SPTBN5: variants seen among roughly 807,000 people sequenced by gnomAD.
SPTBN5 encodes the protein spectrin beta chain, non-erythrocytic 5.
A neutral mutation model predicts 477.6 loss-of-function variants in SPTBN5; 513 were observed. The ratio of observed to expected loss-of-function variants is 1.07; its 90% CI spans 1.00 to 1.16. The LOEUF (loss-of-function observed/expected upper bound fraction) is 1.16. SPTBN5 is among the 50% of genes most tolerant of loss of function. The probability of loss-of-function intolerance (pLI) is 0.00; values close to 1 mark genes in which losing one functional copy is unlikely to be tolerated. For synonymous variants in SPTBN5, 2,169 were observed against 2,011.7 expected, an observed-to-expected ratio of 1.08 and a Z score of -2.09; for missense variants, 5,062 against 4,731.8, an observed-to-expected ratio of 1.07 and a Z score of -2.05.
chr15:41,866,335 G>T lies in SPTBN5; in HGVS notation c.6630+9C>A. 3 of 1,583,500 alleles carry T rather than the reference G, an allele frequency of 1.9e-6. No individual in the cohort carries two copies. The South Asian group carries it at 3.4e-5, about 18-fold the overall frequency. On this transcript the variant is annotated intron_variant, in intron 37 of 67. Transcript: ENST00000320955. Reference sequence around the variant, plus strand: ...GGGGCAGGCATGGGGCTGAGGGCCCGGTTGTTACCTTGGCAACAGAGGTCA... The same window carrying T: ...GGGGCAGGCATGGGGCTGAGGGCCCTGTTGTTACCTTGGCAACAGAGGTCA...
Position 41,862,788 on chromosome 15 carries a change from A to G in SPTBN5, c.7263+2T>C. ...GGCCCAGCTCTACAGCCAGCTACGC[A>G]CCTCCACCTGGGCCTGGATGGGGTG... On this transcript the variant is annotated splice_donor_variant, in intron 42 of 67. Coordinates refer to ENST00000320955, the MANE Select transcript of SPTBN5 (RefSeq NM_016642.4). LOFTEE classifies it high-confidence loss of function. 5 of 1,565,598 alleles carry G rather than the reference A, an allele frequency of 3.2e-6. No homozygotes were observed. The highest frequency in any genetic ancestry group is 4.3e-6 in the Non-Finnish European group (5 of 1,156,956).
At chr15:41,868,026 G>C (rs764349521) in intron 34 of SPTBN5, 43 bp downstream of exon 34, 1 of 1,559,864 alleles carries the variant, frequency 6.4e-7, no homozygotes, top group Non-Finnish European at 8.6e-7. Context: ...TAGAAAGGAG[G>C]AGCAGGAGGC....
chr15:41,861,942 C>G lies in SPTBN5; in HGVS notation c.7549-19G>C. ...GCTCGGCCTGGAACAGGACTGGGCTCAGATCACTGGGGGCTGGAAGCAGCC... is the reference window on the plus strand; with the variant it reads ...GCTCGGCCTGGAACAGGACTGGGCTGAGATCACTGGGGGCTGGAAGCAGCC... On this transcript the variant is annotated intron_variant, in intron 44 of 67. Coordinates refer to ENST00000320955, the MANE Select transcript of SPTBN5 (RefSeq NM_016642.4). 6.3e-7 allele frequency: 1 copy of G among 1,589,478 alleles called. No individual in the cohort carries two copies. The highest frequency in any genetic ancestry group is 1.1e-5 in the South Asian group (1 of 88,092).
chr15:41,872,067 G>A, intron 27 of SPTBN5, 150 bp from the exon 28 acceptor site: 1 of 1,140,416 alleles, frequency 8.8e-7, no homozygotes, highest in Non-Finnish European at 1.2e-6. Flanking sequence ...AGTAGACACA[G>A]CAGTGCAGGT....
intron 3 of SPTBN5, among the ~76,000 whole-genome samples, chr15:41,891,490 G>A (rs1034901814): frequency 2.6e-5 from 4 of 152,200 alleles, no homozygotes; most frequent in Admixed American, 2.0e-4. Context: ...GCTCCTGAGA[G>A]CCTATCCTCC....
Position 41,848,238 on chromosome 15 carries a change from C to CTTA in SPTBN5, c.*377_*378insTAA. On this transcript the variant is annotated 3_prime_UTR_variant, in exon 68 of 68. Coordinates refer to ENST00000320955, the MANE Select transcript of SPTBN5 (RefSeq NM_016642.4). Reference sequence around the variant, plus strand: ...ATGGCAAGGGCTGGTACAGAGCTCGCTCATCAGTGTTCTTCCTCCGAAGAG... The same window carrying CTTA: ...ATGGCAAGGGCTGGTACAGAGCTCGCTTATCATCAGTGTTCTTCCTCCGAAGAG... The CTTA allele has an allele frequency of 2.0e-6, 1 of 494,460 alleles. No individual in the cohort carries two copies. The highest frequency in any genetic ancestry group is 2.2e-5 in the South Asian group (1 of 44,990). 30.6% of individuals were successfully genotyped at this position (494,460 alleles called of 1,614,324 possible).
chr15:41,884,188 G>C (rs1421161369), intron 7 of SPTBN5, among the ~76,000 whole-genome samples: 2 of 151,948 alleles, frequency 1.3e-5, no homozygotes, highest in Admixed American at 6.6e-5. Flanking sequence ...GGGTTTCACT[G>C]TGTTAGCCAG....
rs2065944742 is a variant in SPTBN5, at chr15:41,856,988, G to C, written c.8673C>G (p.Ala2891=). Reference sequence around the variant, plus strand: ...TGAAGAACTTCAAGAGGAGGCTCCGGGCCTCCAGGGCCGTCCTGCGCTCCT... The same window carrying C: ...TGAAGAACTTCAAGAGGAGGCTCCGCGCCTCCAGGGCCGTCCTGCGCTCCT... ...PLQERRTALE[A]RSLLLKFFRD... The change falls in exon 52 of 68, where the codon GCC becomes GCG. Residue 2891 remains alanine, a synonymous_variant. Coordinates refer to ENST00000320955, the MANE Select transcript of SPTBN5 (RefSeq NM_016642.4). The C allele has an allele frequency of 1.2e-6, 2 of 1,603,252 alleles. No individual in the cohort carries two copies. The highest frequency in any genetic ancestry group is 4.5e-5 in the East Asian group (2 of 44,406).
At position 41,866,079 on chromosome 15, in the gene SPTBN5, G is replaced by A. The variant is rs375619567; in HGVS notation, c.6781C>T (p.Leu2261=). ...LEDRRNFLEF[L]QRVDLAEAWI... Reference sequence around the variant, plus strand: ...GCCTCTGCAAGGTCCACTCTCTGCAGGAACTCCAGGAAGTTCCGCCTGTCC... The same window carrying A: ...GCCTCTGCAAGGTCCACTCTCTGCAAGAACTCCAGGAAGTTCCGCCTGTCC... Residue 2261 remains leucine, a synonymous_variant, in exon 38 of 68, where the codon CTG becomes TTG. Transcript: ENST00000320955. The A allele has an allele frequency of 5.3e-4, 828 of 1,556,506 alleles. 3 individuals are homozygous for A. The highest frequency in any genetic ancestry group is 5.8e-4 in the Non-Finnish European group (664 of 1,150,548).
intron 49 of SPTBN5, among the ~76,000 whole-genome samples, chr15:41,858,081 G>A (rs2065981297): frequency 6.6e-6 from 1 of 152,202 alleles, no homozygotes; most frequent in South Asian, 2.1e-4. Flanking sequence ...TGGATCGCCT[G>A]AGCTCAGGAG....
At position 41,862,140 on chromosome 15, in the gene SPTBN5, T is replaced by C. The variant is rs1432573877; in HGVS notation, c.7538A>G (p.Gln2513Arg). ...CAGCTGCCCATTCACCTTGCACTCC[T>C]GATGCTCTTCTAACATACGCCGGGC... ...VEARRMLEEHQECKAELDSWT... is the reference protein window; with the variant it reads ...VEARRMLEEHRECKAELDSWT... The change falls in exon 44 of 68, where the codon CAG becomes CGG. Residue 2513 changes from glutamine (Q) to arginine (R), a missense_variant. Physicochemically the swap from Gln to Arg is conservative, Grantham distance 43. Coordinates refer to ENST00000320955, the MANE Select transcript of SPTBN5 (RefSeq NM_016642.4). 1 of 1,581,482 alleles carries C rather than the reference T, an allele frequency of 6.3e-7. No individual in the cohort carries two copies. The highest frequency in any genetic ancestry group is 1.8e-5 in the Admixed American group (1 of 56,888).
At chr15:41,862,930 T>A in intron 41 of SPTBN5, 27 bp from the exon 42 acceptor site, 11 of 1,549,302 alleles carry the variant, frequency 7.1e-6, no homozygotes, top group Non-Finnish European at 9.6e-6. Context: ...GCCAGTTACC[T>A]GCTGGGCCTT....
chr15:41,889,353 A>G (rs1428208154), intron 4 of SPTBN5, among the ~76,000 whole-genome samples: 1 of 152,084 alleles, frequency 6.6e-6, no homozygotes, highest in African/African-American at 2.4e-5. Context: ...TTCCTTACCT[A>G]CTAGAATTGA....
Position 41,883,792 on chromosome 15 carries a change from TC to T in SPTBN5, c.1521-307del, listed in dbSNP as rs1174902367. On this transcript the variant is annotated intron_variant, in intron 7 of 67. Transcript: ENST00000320955. ...ATCCTTCCAGGCGCCCAGACTAAAA[TC>T]TTTTTTTTTTTCTTTTGAGACAGAA... Among the ~76,000 whole-genome samples, 515 of 149,192 alleles carry T rather than the reference TC, an allele frequency of 3.5e-3. 3 individuals carry two copies. Among genetic ancestry groups the T allele is most frequent in the African/African-American group, 0.013 (490 of 38,800 alleles).
intron 19 of SPTBN5, 57 bp downstream of exon 19, chr15:41,876,752 T>C: frequency 1.3e-6 from 2 of 1,594,628 alleles, no homozygotes; most frequent in South Asian, 2.2e-5. Context: ...AGGGCGGCCG[T>C]CTGTGCAGGC....
Position 41,887,315 on chromosome 15 carries a change from G to C in SPTBN5, c.786C>G (p.Ala262=). 6.4e-7 allele frequency: 1 copy of C among 1,551,304 alleles called. No homozygotes were observed. The highest frequency in any genetic ancestry group is 8.7e-7 in the Non-Finnish European group (1 of 1,147,052). ...AQLLDPEDVA[A]AQPDERSIMT... is the part of the protein sequence containing the mutation. ...TGATAGAGCGCTCATCTGGCTGTGC[G>C]GCTGCCACGTCCTCGGGGTCCAGCA... Residue 262 remains alanine, a synonymous_variant, in exon 6 of 68, where the codon GCC becomes GCG. Transcript: ENST00000320955.
In SPTBN5 at chr15:41,870,526, C is replaced by T. The variant is rs542722728; in HGVS notation, c.5482G>A (p.Ala1828Thr). 1 of 1,611,490 alleles carries T rather than the reference C, an allele frequency of 6.2e-7. No homozygotes were observed. Among genetic ancestry groups the T allele is most frequent in the Non-Finnish European group, 8.5e-7 (1 of 1,179,770 alleles). ...GTGTCTCGGAGCGCGTGGCCTCGGGCCTGGGTCAGCTCCCACAGCTCCGAC... is the reference window on the plus strand; with the variant it reads ...GTGTCTCGGAGCGCGTGGCCTCGGGTCTGGGTCAGCTCCCACAGCTCCGAC... Reference protein sequence around the residue: ...AWSELWELTQARGHALRDTET... With the variant: ...AWSELWELTQTRGHALRDTET... The change falls in exon 30 of 68, where the codon GCC (alanine) becomes ACC (threonine). Residue 1828 changes from alanine (A) to threonine (T), a missense_variant. Physicochemically the swap from Ala to Thr is moderately conservative, Grantham distance 58. Coordinates refer to ENST00000320955, the MANE Select transcript of SPTBN5 (RefSeq NM_016642.4).
intron 3 of SPTBN5, among the ~76,000 whole-genome samples, chr15:41,891,852 T>C (rs1427980999): frequency 6.6e-6 from 1 of 152,188 alleles, no homozygotes; most frequent in African/African-American, 2.4e-5. Flanking sequence ...TTGCCTCCTA[T>C]GTGTATGGAG....
At position 41,873,943 on chromosome 15, in the gene SPTBN5, C is replaced by A; in HGVS notation, c.4792G>T (p.Val1598Leu). Reference protein sequence around the residue: ...ASGHPQAQHIVEQCQELEGHW... With the variant: ...ASGHPQAQHILEQCQELEGHW... The stretch of plus-strand genomic sequence containing the variant: ...CCTTCCAGCTCCTGGCACTGCTCCA[C>A]GATGTGTTGGGCTTGGGGGTGCCCT... The change falls in exon 25 of 68, where the codon GTG (valine) becomes TTG (leucine). Residue 1598 changes from valine to leucine, a missense_variant. Val to Leu is a conservative substitution (Grantham distance 32). Transcript: ENST00000320955. 6.2e-7 allele frequency: 1 copy of A among 1,610,090 alleles called. No individual in the cohort carries two copies. The highest frequency in any genetic ancestry group is 8.5e-7 in the Non-Finnish European group (1 of 1,179,882).
Sources: gnomAD v4.1 joint callset for allele counts (sites outside exome capture counted in the v4.1 genomes callset) on GRCh38, gnomAD v4.1.1 for gene constraint, MANE v1.5 for transcripts, NCBI Gene and HGNC (gene_info 2026-07-23, HGNC 2026-07-21) for gene names.